SPATA17: variants seen among roughly 807,000 people sequenced by gnomAD.
SPATA17 encodes spermatogenesis associated 17, also known as spermatogenesis-associated protein 17.
SPATA17 carries 53 observed loss-of-function variants against 62.2 expected under a neutral mutation model. The ratio of observed to expected loss-of-function variants is 0.85; its 90% CI spans 0.68 to 1.07. The LOEUF is 1.07. Among genes scored for constraint, SPATA17 ranks in the 50% least tolerant of loss-of-function variants. The pLI is 0.00. For synonymous variants in SPATA17, 146 were observed against 146.8 expected (o/e 0.99, Z 0.04); for missense variants, 466 against 425.5 (o/e 1.10, Z -0.84).
Position 217,752,004 on chromosome 1 carries a change from G to C in SPATA17, c.519+9906G>C, listed in dbSNP as rs145193143. On this transcript the variant is annotated intron_variant, in intron 6 of 10. Transcript: ENST00000366933. ...TTGGGAATACACCTTTAAGGATAAA[G>C]TTTGCAAAGTTTCAAATAAAAGAGG... Among the ~76,000 whole-genome samples the C allele has an allele frequency of 1.4e-4, 21 of 152,226 alleles. No homozygotes were observed. The East Asian group carries it at 4.0e-3, about 29-fold the overall frequency.
At chr1:217,850,629 T>C in intron 9 of SPATA17, 1 of 1,591,292 alleles carries the variant, frequency 6.3e-7, no homozygotes, top group South Asian at 1.1e-5. Context: ...CACGAAGATC[T>C]GCATTTTGAC....
chr1:217,678,437 T>C (rs1403437594), intron 4 of SPATA17, among the ~76,000 whole-genome samples: 2 of 151,974 alleles, frequency 1.3e-5, no homozygotes, highest in Non-Finnish European at 1.5e-5. Flanking sequence ...CTCGAACTCC[T>C]GACCTCGTGA....
At chr1:217,694,311 C>T (rs952504066) in intron 5 of SPATA17, among the ~76,000 whole-genome samples, 2 of 123,776 alleles carry the variant, frequency 1.6e-5, no homozygotes, top group Non-Finnish European at 3.4e-5. Flanking sequence ...ACTAGGATTG[C>T]AACCCCTGCC....
At chr1:217,786,362 T>C (rs1450679396) in intron 8 of SPATA17, among the ~76,000 whole-genome samples, 1 of 152,102 alleles carries the variant, frequency 6.6e-6, no homozygotes, top group Non-Finnish European at 1.5e-5. Context: ...AGTTGGATCC[T>C]GCAAAAGATG....
chr1:217,710,107 A>G (rs1475031176), intron 5 of SPATA17, among the ~76,000 whole-genome samples: 2 of 152,206 alleles, frequency 1.3e-5, no homozygotes, highest in South Asian at 2.1e-4. Flanking sequence ...GCTAATAGAA[A>G]TAGTTTATCT....
At position 217,674,795 on chromosome 1, in the gene SPATA17, C is replaced by T. The variant is rs552872014; in HGVS notation, c.291+5712C>T. 4.5e-4 allele frequency among the ~76,000 whole-genome samples: 68 copies of T among 152,304 alleles called. 1 individual carries two copies. The highest frequency in any genetic ancestry group is 1.5e-3 in the African/African-American group (63 of 41,562). On this transcript the variant is annotated intron_variant, in intron 4 of 10. Coordinates refer to ENST00000366933, the MANE Select transcript of SPATA17 (RefSeq NM_138796.4). ...GCTGGTTTGGCCCCACCATTGCTTC[C>T]TATGATGTGGAGCAGATGCCTGAAA... is the stretch of plus-strand genomic sequence containing the variant.
At chr1:217,730,478 C>T (rs1571764128) in intron 5 of SPATA17, among the ~76,000 whole-genome samples, 1 of 152,052 alleles carries the variant, frequency 6.6e-6, no homozygotes, top group East Asian at 1.9e-4. Context: ...ACCTTGGCCT[C>T]CCAAAGTGCT....
Position 217,801,855 on chromosome 1 carries a change from GT to G in SPATA17, c.1005+7del, listed in dbSNP as rs762479879. The G allele has an allele frequency of 7.3e-5, 116 of 1,594,636 alleles. No homozygotes were observed. The South Asian group carries it at 1.3e-3, about 17-fold the overall frequency. On this transcript the variant is annotated splice_donor_region_variant and intron_variant, in intron 9 of 10. Transcript: ENST00000366933. ...AAGAAATGGATCTGTGACAAGGTGA[GT>G]TAACAAAACATTTTAAAAAGTTATT...
chr1:217,716,974 C>T, intron 5 of SPATA17, among the ~76,000 whole-genome samples: 1 of 152,156 alleles, frequency 6.6e-6, no homozygotes, highest in Non-Finnish European at 1.5e-5. Flanking sequence ...AGGTCACACA[C>T]CAAAATAATG....
At position 217,636,208 on chromosome 1, in the gene SPATA17, A is replaced by G. The variant is rs1401895990; in HGVS notation, c.68+4762A>G. ...ACTTCTGTCTATAAAAACAATAAATAAAAAAGTAACCTTTGACTTTCAATG... is the reference window on the plus strand; with the variant it reads ...ACTTCTGTCTATAAAAACAATAAATGAAAAAGTAACCTTTGACTTTCAATG... On this transcript the variant is annotated intron_variant, in intron 1 of 10. Transcript: ENST00000366933. Among the ~76,000 whole-genome samples, 5 of 152,144 alleles carry G rather than the reference A, an allele frequency of 3.3e-5. No homozygotes were observed. The East Asian group carries it at 9.7e-4, about 29-fold the overall frequency.
intron 1 of SPATA17, among the ~76,000 whole-genome samples, chr1:217,641,193 T>G (rs969737496): frequency 3.3e-5 from 5 of 152,132 alleles, no homozygotes; most frequent in Non-Finnish European, 5.9e-5. Context: ...TGAACAATTA[T>G]TTTTAGGTAT....
chr1:217,819,534 A>G (rs1674809635), intron 9 of SPATA17, among the ~76,000 whole-genome samples: 1 of 151,854 alleles, frequency 6.6e-6, no homozygotes, highest in Admixed American at 6.6e-5. Context: ...TTTAACACTT[A>G]GTTTTGAAAT....
intron 9 of SPATA17, among the ~76,000 whole-genome samples, chr1:217,834,527 T>G (rs1675217905): frequency 1.3e-5 from 2 of 152,100 alleles, no homozygotes; most frequent in Non-Finnish European, 2.9e-5. Context: ...TGTATTTATG[T>G]CTTATTTTTT....
intron 8 of SPATA17, among the ~76,000 whole-genome samples, chr1:217,798,015 AG>A (rs1341451007): frequency 6.6e-6 from 1 of 152,214 alleles, no homozygotes; most frequent in Non-Finnish European, 1.5e-5. Context: ...GATTGGCATG[AG>A]GAGGCTGCTC....
chr1:217,794,591 CAATT>C (rs1292959041), intron 8 of SPATA17, among the ~76,000 whole-genome samples: 3 of 152,170 alleles, frequency 2.0e-5, no homozygotes, highest in African/African-American at 7.2e-5. Flanking sequence ...TTAAAAATGG[CAATT>C]AAATTATTTA....
rs146951573 is a variant in SPATA17 at position 217,683,903 on chromosome 1, G to A, written c.395+542G>A. Among the ~76,000 whole-genome samples the A allele has an allele frequency of 8.1e-3, 1,226 of 152,110 alleles. 8 individuals carry two copies. The highest frequency in any genetic ancestry group is 0.013 in the Non-Finnish European group (870 of 68,002). ...TAGTATCTTGTATATTTATTTATGT[G>A]TGTAGTATCTTGGTCCTATACAAAA... On this transcript the variant is annotated intron_variant, in intron 5 of 10. Transcript: ENST00000366933.
Position 217,774,337 on chromosome 1 carries a change from C to G in SPATA17, c.523C>G (p.Pro175Ala). ...MHYLLSTKQIPGIYNSPFRKE... is the reference protein window; with the variant it reads ...MHYLLSTKQIAGIYNSPFRKE... Reference sequence around the variant, plus strand: ...AAATTGCTTTCTTCTTCTTTAGATTCCAGGAATATACAATTCACCCTTCAG... The same window carrying G: ...AAATTGCTTTCTTCTTCTTTAGATTGCAGGAATATACAATTCACCCTTCAG... The change falls in exon 7 of 11, where the codon CCA becomes GCA. Residue 175 changes from proline (P) to alanine (A), a missense_variant. Physicochemically the swap from Pro to Ala is conservative, Grantham distance 27 (BLOSUM62 -1). Transcript: ENST00000366933. 1 of 1,610,544 alleles carries G rather than the reference C, an allele frequency of 6.2e-7. No homozygotes were observed. Among genetic ancestry groups the G allele is most frequent in the Non-Finnish European group, 8.5e-7 (1 of 1,178,646 alleles).
intron 9 of SPATA17, among the ~76,000 whole-genome samples, 176 bp downstream of exon 9, chr1:217,802,026 G>A (rs1281312976): frequency 6.6e-6 from 1 of 150,558 alleles, no homozygotes; most frequent in Non-Finnish European, 1.5e-5. Flanking sequence ...TTTTTTTTCA[G>A]TATTGTATTC....
At chr1:217,835,792 G>C (rs1052796276) in intron 9 of SPATA17, among the ~76,000 whole-genome samples, 1 of 152,050 alleles carries the variant, frequency 6.6e-6, no homozygotes, top group Non-Finnish European at 1.5e-5. Flanking sequence ...CACAAAATAT[G>C]CAACTTCTCC....
Sources: allele counts gnomAD v4.1 joint callset (sites outside exome capture counted in the v4.1 genomes callset), GRCh38; gene constraint gnomAD v4.1.1; transcripts MANE v1.5; gene names NCBI Gene and HGNC (gene_info 2026-07-23, HGNC 2026-07-21).